Variants in ANK3 observed in about 807,000 individuals in gnomAD.
The protein encoded by ANK3 is ankyrin 3, also known as ankyrin-3.
Under a neutral mutation model 370.9 loss-of-function variants are expected in ANK3, and 57 were observed. The observed-to-expected ratio is 0.15, with a 90% CI of 0.12 to 0.19. ANK3 has a LOEUF of 0.19. Ranked by LOEUF, ANK3 falls within the 10% of genes least tolerant of loss-of-function variation. The pLI, the probability that ANK3 is intolerant of heterozygous loss-of-function variation, is 1.00. For synonymous variants in ANK3, 1,929 were observed against 1,946.3 expected (o/e 0.99, Z 0.23); for missense variants, 4,439 against 5,302.1 (o/e 0.84, Z 5.06).
chr10:60,588,742 A>G (rs2077869036), intron 2 of ANK3, among the ~76,000 whole-genome samples: 1 of 81,240 alleles, frequency 1.2e-5, no homozygotes, highest in East Asian at 5.9e-4. Context: ...CCTTGTCTCT[A>G]CAGAAAATAA....
chr10:60,070,598 G>A lies in ANK3; in HGVS notation c.10283C>T (p.Thr3428Ile). The A allele has an allele frequency of 1.2e-6, 2 of 1,614,102 alleles. No individual in the cohort carries two copies. Among genetic ancestry groups the A allele is most frequent in the Non-Finnish European group, 1.7e-6 (2 of 1,180,022 alleles). Residue 3428 changes from threonine (T) to isoleucine (I), a missense_variant, in exon 37 of 44, where the codon ACA becomes ATA. Physicochemically the swap from Thr to Ile is moderately conservative, Grantham distance 89 (BLOSUM62 -1). Transcript: ENST00000280772. The surrounding 1 kb of genome is among the most constrained non-coding windows in gnomAD (Gnocchi z 5.7). Reference protein sequence around the residue: ...YDLQDEDDGLTESDSKLPIQA... With the variant: ...YDLQDEDDGLIESDSKLPIQA... Reference sequence around the variant, plus strand: ...AATTGGGAGTTTAGAATCACTCTCTGTCAAGCCATCATCTTCATCTTGCAG... The same window carrying A: ...AATTGGGAGTTTAGAATCACTCTCTATCAAGCCATCATCTTCATCTTGCAG...
chr10:60,265,496 C>A (rs1402083535), intron 5 of ANK3, among the ~76,000 whole-genome samples: 2 of 152,092 alleles, frequency 1.3e-5, no homozygotes, highest in Non-Finnish European at 2.9e-5. Context: ...AAAAACAGCA[C>A]AGGGTAGAAA....
intron 7 of ANK3, among the ~76,000 whole-genome samples, chr10:60,235,756 A>T (rs1372642801): frequency 6.6e-6 from 1 of 152,066 alleles, no homozygotes; most frequent in Non-Finnish European, 1.5e-5. Flanking sequence ...ACAAAGAATC[A>T]ATTACATCAT....
chr10:60,474,450 G>A (rs1005258471), intron 2 of ANK3, among the ~76,000 whole-genome samples: 8 of 152,080 alleles, frequency 5.3e-5, no homozygotes, highest in South Asian at 2.1e-4. Context: ...AGATGCCTCC[G>A]CCTCTCTCTG....
At chr10:60,566,814 G>A (rs2077474525) in intron 2 of ANK3, among the ~76,000 whole-genome samples, 1 of 152,200 alleles carries the variant, frequency 6.6e-6, no homozygotes, top group East Asian at 1.9e-4. Context: ...GTTTGAGGCT[G>A]TGGTGAGCTA....
intron 2 of ANK3, among the ~76,000 whole-genome samples, chr10:60,426,503 T>C (rs921730010): frequency 6.6e-6 from 1 of 152,114 alleles, no homozygotes. Flanking sequence ...ATAATTTAGA[T>C]TGAACTCATG....
In ANK3 at chr10:60,158,732, A is replaced by G. The variant is rs138459156; in HGVS notation, c.2614+7859T>C. On this transcript the variant is annotated intron_variant, in intron 23 of 43. Coordinates refer to ENST00000280772, the MANE Select transcript of ANK3 (RefSeq NM_020987.5). ...ATTCTGTCACCCACGCTGGAGAGCA[A>G]TGGTGCTATCTTGGCTCACTGCAAT... Among the ~76,000 whole-genome samples the G allele has an allele frequency of 7.2e-3, 1,007 of 139,794 alleles. 14 individuals are homozygous for G. The highest frequency in any genetic ancestry group is 0.026 in the African/African-American group (956 of 36,770). 91.7% of individuals were successfully genotyped at this position (139,794 alleles called of 152,430 possible).
chr10:60,085,138 G>T lies in ANK3; in HGVS notation c.3845+19C>A, dbSNP rs2086342199. The T allele has an allele frequency of 6.3e-7, 1 of 1,580,276 alleles. No homozygotes were observed. The highest frequency in any genetic ancestry group is 1.2e-5 in the South Asian group (1 of 86,954). ...AAAACTAATTCCTTACTGCTTTTTG[G>T]AATCCTTTATTTCCATACCTGGCTG... On this transcript the variant is annotated intron_variant, in intron 31 of 43. Coordinates refer to ENST00000280772, the MANE Select transcript of ANK3 (RefSeq NM_020987.5).
intron 1 of ANK3, among the ~76,000 whole-genome samples, chr10:60,333,004 C>A (rs2051764665): frequency 6.6e-6 from 1 of 152,084 alleles, no homozygotes; most frequent in Non-Finnish European, 1.5e-5. Context: ...CATATATACC[C>A]TTTTCAGGCA....
At chr10:60,443,999 C>T (rs1047331095) in intron 2 of ANK3, among the ~76,000 whole-genome samples, 3 of 151,992 alleles carry the variant, frequency 2.0e-5, no homozygotes, top group Non-Finnish European at 4.4e-5. Context: ...TAACCAGAGG[C>T]CCACCTCAAT....
intron 2 of ANK3, among the ~76,000 whole-genome samples, chr10:60,481,144 C>G (rs1261159630): frequency 2.0e-5 from 3 of 152,118 alleles, no homozygotes; most frequent in Non-Finnish European, 4.4e-5. Context: ...AAAGATTAAT[C>G]AAAGTGATCT....
At chr10:60,663,362 G>A (rs1660249482) in intron 1 of ANK3, among the ~76,000 whole-genome samples, 2 of 152,300 alleles carry the variant, frequency 1.3e-5, no homozygotes, top group Non-Finnish European at 2.9e-5. Flanking sequence ...CAAGCCCCTC[G>A]TCTCTTGTTT....
chr10:60,639,944 C>A (rs1022586678), intron 1 of ANK3, among the ~76,000 whole-genome samples: 1 of 151,882 alleles, frequency 6.6e-6, no homozygotes, highest in African/African-American at 2.4e-5. Flanking sequence ...ATAAGACTCA[C>A]CTATATGCCT....
At chr10:60,215,976 A>G (rs778030537) in intron 8 of ANK3, among the ~76,000 whole-genome samples, 5 of 152,220 alleles carry the variant, frequency 3.3e-5, no homozygotes, top group Non-Finnish European at 5.9e-5. Flanking sequence ...CTTTCTATCC[A>G]TGAAGATGGA....
At chr10:60,724,663 A>T (rs2079916106) in intron 1 of ANK3, among the ~76,000 whole-genome samples, 1 of 152,228 alleles carries the variant, frequency 6.6e-6, no homozygotes, top group South Asian at 2.1e-4. Flanking sequence ...TTAACAAGGA[A>T]CTTAATTTTT....
chr10:60,235,628 C>T (rs564794377), intron 7 of ANK3, among the ~76,000 whole-genome samples: 38 of 149,028 alleles, frequency 2.5e-4, no homozygotes, highest in African/African-American at 7.2e-4. Flanking sequence ...CTCAAATTCC[C>T]GAGCTCCAAC....
intron 25 of ANK3, among the ~76,000 whole-genome samples, chr10:60,130,873 G>C (rs1479704800): frequency 1.3e-5 from 2 of 151,998 alleles, no homozygotes; most frequent in African/African-American, 2.4e-5. Flanking sequence ...CCTCTTTCAG[G>C]ATTTTTCCTC....
chr10:60,656,185 T>A (rs997475424), intron 1 of ANK3, among the ~76,000 whole-genome samples: 2 of 152,232 alleles, frequency 1.3e-5, no homozygotes, highest in African/African-American at 4.8e-5. Flanking sequence ...ACATTTTAAA[T>A]AAATGTAGGT....
intron 1 of ANK3, among the ~76,000 whole-genome samples, chr10:60,732,952 C>A (rs1219295606): frequency 6.6e-6 from 1 of 151,728 alleles, no homozygotes; most frequent in Admixed American, 6.6e-5. Flanking sequence ...TTTTCTTTTT[C>A]CAGACGAATG....
Sources: allele counts gnomAD v4.1 joint callset (sites outside exome capture counted in the v4.1 genomes callset), GRCh38; gene constraint gnomAD v4.1.1; non-coding constraint Gnocchi (gnomAD v3.1); transcripts MANE v1.5; gene names NCBI Gene and HGNC (gene_info 2026-07-23, HGNC 2026-07-21).